TRAK1: variants seen among roughly 807,000 people sequenced by gnomAD.
TRAK1 encodes trafficking kinesin-binding protein 1.
TRAK1 carries 33 observed loss-of-function variants against 92.1 expected under a neutral mutation model. The ratio of observed to expected loss-of-function variants is 0.36; its 90% CI spans 0.27 to 0.48. TRAK1 has a LOEUF of 0.48. Among genes scored for constraint, TRAK1 ranks in the 20% least tolerant of loss-of-function variants. The pLI, the probability that TRAK1 is intolerant of heterozygous loss-of-function variation, is 0.99. For missense variants in TRAK1, 1,123 were observed against 1,257.9 expected (o/e 0.89, Z 1.62); for synonymous variants, 521 against 517.3 (o/e 1.01, Z -0.10).
rs1359369165 is a variant in TRAK1 at position 42,202,896 on chromosome 3, C to T, written c.1744+144C>T. The T allele has an allele frequency of 1.4e-6, 2 of 1,449,634 alleles. No individual in the cohort carries two copies. Among genetic ancestry groups the T allele is most frequent in the African/African-American group, 1.4e-5 (1 of 70,702 alleles). The allele number at this position is 1,449,634 out of a possible 1,614,324, so 89.8% of individuals were successfully genotyped here. ...CCACCCGCGCTGCTGGTTTGAGTTC[C>T]TCTGAGGGTGGTGCTCAGCCTAGGC... On this transcript the variant is annotated intron_variant, in intron 13 of 15. Transcript: ENST00000327628. This position sits in a 1 kb window ranked among gnomAD's most constrained non-coding sequence, Gnocchi z 6.1.
intron 1 of TRAK1, among the ~76,000 whole-genome samples, chr3:42,051,904 AT>A (rs1308458933): frequency 6.6e-6 from 1 of 151,970 alleles, no homozygotes; most frequent in Non-Finnish European, 1.5e-5. Context: ...TGTGGCTGAG[AT>A]TTTTTTCCTT....
At chr3:42,033,505 T>C (rs1378889183) in intron 1 of TRAK1, among the ~76,000 whole-genome samples, 1 of 152,170 alleles carries the variant, frequency 6.6e-6, no homozygotes, top group Non-Finnish European at 1.5e-5. Flanking sequence ...GGAGGATCAC[T>C]TGACCCCAGG....
At chr3:42,063,137 A>C (rs1252277928) in intron 1 of TRAK1, among the ~76,000 whole-genome samples, 1 of 152,248 alleles carries the variant, frequency 6.6e-6, no homozygotes, top group Non-Finnish European at 1.5e-5. Flanking sequence ...GTTATAAATA[A>C]AGTTTTATTG....
chr3:42,135,760 G>A (rs549952336), intron 2 of TRAK1, among the ~76,000 whole-genome samples: 156 of 152,230 alleles, frequency 1.0e-3, no homozygotes, highest in Middle Eastern at 6.8e-3. Flanking sequence ...TTTTGGTGTG[G>A]TTAGATGTGG....
chr3:42,061,991 T>A (rs371401282), intron 1 of TRAK1, among the ~76,000 whole-genome samples: 43 of 152,254 alleles, frequency 2.8e-4, no homozygotes, highest in African/African-American at 1.0e-3. Context: ...CTGTCTCGGG[T>A]GGAGGCTCTG....
upstream of TRAK1, among the ~76,000 whole-genome samples, chr3:42,088,088 A>G (rs1022133947): frequency 2.6e-5 from 4 of 152,228 alleles, no homozygotes; most frequent in Middle Eastern, 3.2e-3. Context: ...TTATAGCTCA[A>G]TCCAGTTGCA....
At chr3:42,060,258 TAAAGG>T (rs1362431189) in intron 1 of TRAK1, among the ~76,000 whole-genome samples, 1 of 126,358 alleles carries the variant, frequency 7.9e-6, no homozygotes, top group Non-Finnish European at 1.6e-5. Context: ...AGAAGAAAAA[TAAAGG>T]AAGGGGATGC....
upstream of TRAK1, among the ~76,000 whole-genome samples, chr3:42,013,418 C>A (rs112912733): frequency 0.071 from 10,830 of 152,182 alleles, 519 homozygotes; most frequent in Middle Eastern, 0.23. The surrounding 1 kb of genome is among the most constrained non-coding windows in gnomAD (Gnocchi z 5.1). Context: ...GGATCCAGGT[C>A]TTTACCGGAT....
At chr3:42,044,661 G>T (rs564454482) in intron 1 of TRAK1, among the ~76,000 whole-genome samples, 1 of 152,338 alleles carries the variant, frequency 6.6e-6, no homozygotes, top group African/African-American at 2.4e-5. Flanking sequence ...GAGCTCCCTG[G>T]TAGAGCCGAT....
At chr3:42,040,171 A>G (rs953624083) in intron 1 of TRAK1, among the ~76,000 whole-genome samples, 1 of 152,056 alleles carries the variant, frequency 6.6e-6, no homozygotes, top group African/African-American at 2.4e-5. Context: ...CATTTACAGC[A>G]CAACATTTTT....
At chr3:42,193,282 C>T in intron 8 of TRAK1, 77 bp downstream of exon 8, 2 of 1,572,838 alleles carry the variant, frequency 1.3e-6, no homozygotes, top group Non-Finnish European at 1.7e-6. Flanking sequence ...CTCCAGAAGA[C>T]AGTGCTCTTT....
intron 2 of TRAK1, among the ~76,000 whole-genome samples, chr3:42,157,173 A>G (rs1353246619): frequency 3.3e-5 from 5 of 150,990 alleles, no homozygotes; most frequent in Non-Finnish European, 5.9e-5. Flanking sequence ...AAAATTACTG[A>G]TGGGACCAGG....
chr3:42,099,328 T>G (rs1706404331), intron 1 of TRAK1, among the ~76,000 whole-genome samples: 1 of 151,932 alleles, frequency 6.6e-6, no homozygotes, highest in Non-Finnish European at 1.5e-5. Flanking sequence ...CGAGCAAGGA[T>G]TTTTAAAGGC....
In TRAK1 at chr3:42,104,893, C is replaced by G. The variant is rs149725647; in HGVS notation, c.91+13333C>G. ...GAGGGCTTCAGACGATCGGTAATAA[C>G]AAACTTCTCCAAGCTAAAGGAGGAT... On this transcript the variant is annotated intron_variant, in intron 1 of 15. Transcript: ENST00000327628. Among the ~76,000 whole-genome samples the G allele has an allele frequency of 3.2e-3, 479 of 151,440 alleles. 3 individuals are homozygous for G. Among genetic ancestry groups the G allele is most frequent in the African/African-American group, 0.011 (461 of 41,292 alleles).
chr3:42,173,607 C>T (rs1341175747), intron 2 of TRAK1, among the ~76,000 whole-genome samples: 5 of 152,186 alleles, frequency 3.3e-5, no homozygotes, highest in Admixed American at 3.3e-4. Context: ...ACTTCCTACA[C>T]ATCGATGGTT....
intron 2 of TRAK1, among the ~76,000 whole-genome samples, chr3:42,152,850 G>A (rs35976013): frequency 0.16 from 24,362 of 152,114 alleles, 2,335 homozygotes; most frequent in Non-Finnish European, 0.22. Context: ...CAGAAAGAGC[G>A]CTGGCTGTCT....
intron 1 of TRAK1, among the ~76,000 whole-genome samples, chr3:42,114,650 T>C (rs901839906): frequency 6.6e-6 from 1 of 152,244 alleles, no homozygotes; most frequent in African/African-American, 2.4e-5. Flanking sequence ...CAGCACTGGA[T>C]ATTTTCATGT....
chr3:42,094,001 G>T (rs1190748697), intron 1 of TRAK1, among the ~76,000 whole-genome samples: 3 of 152,034 alleles, frequency 2.0e-5, no homozygotes, highest in African/African-American at 7.2e-5. Context: ...GCCGTGCCTG[G>T]CCGAAACAAG....
At chr3:42,192,759 T>C (rs1706012256) in intron 7 of TRAK1, among the ~76,000 whole-genome samples, 1 of 152,212 alleles carries the variant, frequency 6.6e-6, no homozygotes, top group African/African-American at 2.4e-5. Context: ...TCACTTTCTA[T>C]CTGACCACTG....
Sources: gnomAD v4.1 joint callset for allele counts (sites outside exome capture counted in the v4.1 genomes callset) on GRCh38, gnomAD v4.1.1 for gene constraint, Gnocchi (gnomAD v3.1) non-coding constraint, MANE v1.5 for transcripts, NCBI Gene and HGNC (gene_info 2026-07-23, HGNC 2026-07-21) for gene names.